Variants in SPACA9 observed in about 807,000 individuals in gnomAD.
SPACA9 encodes sperm acrosome associated 9.
A neutral mutation model predicts 12.5 loss-of-function variants in SPACA9; 14 were observed. That is an observed-to-expected ratio of 1.12 (90% CI 0.74 to 1.75). The LOEUF (loss-of-function observed/expected upper bound fraction) is 1.75, where lower values mean the gene tolerates loss of function less well. Among genes scored for constraint, SPACA9 ranks in the 40% most tolerant of loss-of-function variants. The pLI, the probability that SPACA9 is intolerant of heterozygous loss-of-function variation, is 0.00. For synonymous variants in SPACA9, 111 were observed against 114.1 expected, an observed-to-expected ratio of 0.97 and a Z score of 0.17; for missense variants, 292 against 291.9, an observed-to-expected ratio of 1.00 and a Z score of 0.00.
Position 132,889,825 on chromosome 9 carries a change from A to T in SPACA9, c.*1214A>T, listed in dbSNP as rs1028710280. ...GACCATGACAGAAGCCAGAATTCTG[A>T]TTTTGTGGCTCCTGAGCAAGGGCGA... On this transcript the variant is annotated 3_prime_UTR_variant, in exon 4 of 4. Transcript: ENST00000356311. 1 of 1,333,912 alleles carries T rather than the reference A, an allele frequency of 7.5e-7. No homozygotes were observed. The allele number at this position is 1,333,912 out of a possible 1,614,324, so 82.6% of individuals were successfully genotyped here.
intron 1 of SPACA9, among the ~76,000 whole-genome samples, chr9:132,880,184 A>G (rs113666015): frequency 6.6e-6 from 1 of 152,074 alleles, no homozygotes; most frequent in African/African-American, 2.4e-5. Context: ...CGCTTTTCCT[A>G]CCATGATTCA....
At chr9:132,883,548 G>A (rs995959596) in intron 1 of SPACA9, among the ~76,000 whole-genome samples, 1 of 151,630 alleles carries the variant, frequency 6.6e-6, no homozygotes, top group African/African-American at 2.4e-5. Context: ...GTACCTGTAT[G>A]TGTGTGCACA....
intron 1 of SPACA9, among the ~76,000 whole-genome samples, chr9:132,879,868 T>C (rs1346838178): frequency 6.6e-6 from 1 of 152,238 alleles, no homozygotes; most frequent in African/African-American, 2.4e-5. Context: ...AGCCAGGGCA[T>C]GAACTCTGCA....
At position 132,888,390 on chromosome 9, in the gene SPACA9, G is replaced by C; in HGVS notation, c.448G>C (p.Glu150Gln). Residue 150 changes from glutamate to glutamine, a missense_variant, in exon 4 of 4, where the codon GAA (glutamate) becomes CAA (glutamine). Glu to Gln is a conservative substitution (Grantham distance 29). Coordinates refer to ENST00000356311, the MANE Select transcript of SPACA9 (RefSeq NM_001316897.2). This position sits in a 1 kb window ranked among gnomAD's most constrained non-coding sequence, Gnocchi z 5.0. Reference sequence around the variant, plus strand: ...CCCCCTCATCCTAGACTTAATGAAAGAATGGATCGCCCACTCCGAGAAGTT... The same window carrying C: ...CCCCCTCATCCTAGACTTAATGAAACAATGGATCGCCCACTCCGAGAAGTT... ...LIPLILDLMK[E>Q]WIAHSEKLPR... The C allele has an allele frequency of 6.2e-7, 1 of 1,614,086 alleles. No individual in the cohort carries two copies. The highest frequency in any genetic ancestry group is 1.7e-5 in the Admixed American group (1 of 60,032).
At position 132,889,941 on chromosome 9, in the gene SPACA9, G is replaced by A. The variant is rs777319786; in HGVS notation, c.*1330G>A. The A allele has an allele frequency of 3.4e-6, 5 of 1,486,470 alleles. No individual in the cohort carries two copies. Among genetic ancestry groups the A allele is most frequent in the African/African-American group, 1.4e-5 (1 of 70,408 alleles). The allele number at this position is 1,486,470 out of a possible 1,614,324, so 92.1% of individuals were successfully genotyped here. On this transcript the variant is annotated 3_prime_UTR_variant, in exon 4 of 4. Transcript: ENST00000356311. Reference sequence around the variant, plus strand: ...TGCCCAAAGTAATGTCTGACTGTTGGTTTTTCCCTTCACAGGGGACGACTT... The same window carrying A: ...TGCCCAAAGTAATGTCTGACTGTTGATTTTTCCCTTCACAGGGGACGACTT...
intron 1 of SPACA9, among the ~76,000 whole-genome samples, chr9:132,881,130 C>G (rs1844413317): frequency 6.6e-6 from 1 of 151,738 alleles, no homozygotes; most frequent in South Asian, 2.1e-4. Flanking sequence ...AGCCAGCAAT[C>G]TTTTCTTTAC....
Position 132,887,509 on chromosome 9 carries a change from C to G in SPACA9, c.285C>G (p.Asn95Lys). Residue 95 changes from asparagine to lysine, a missense_variant, in exon 3 of 4, where the codon AAC becomes AAG. Physicochemically the swap from Asn to Lys is moderately conservative, Grantham distance 94. Transcript: ENST00000356311. This position sits in a 1 kb window ranked among gnomAD's most constrained non-coding sequence, Gnocchi z 5.4. ...AVHSGTPVTN[N>K]LLEKCKTLVS... ...ACTCTGGCACCCCAGTCACCAACAA[C>G]CTCCTGGAGAAATGCAAAACCCTCG... The G allele has an allele frequency of 6.2e-7, 1 of 1,614,142 alleles. No homozygotes were observed. The highest frequency in any genetic ancestry group is 1.1e-5 in the South Asian group (1 of 91,080).
At position 132,887,423 on chromosome 9, in the gene SPACA9, C is replaced by T; in HGVS notation, c.199C>T (p.Leu67Phe). The T allele has an allele frequency of 1.2e-6, 2 of 1,611,636 alleles. No individual in the cohort carries two copies. The highest frequency in any genetic ancestry group is 1.7e-6 in the Non-Finnish European group (2 of 1,179,996). The change falls in exon 3 of 4, where the codon CTC (leucine) becomes TTC (phenylalanine). Residue 67 changes from leucine (L) to phenylalanine (F), a missense_variant. Transcript: ENST00000356311. The surrounding 1 kb of genome is among the most constrained non-coding windows in gnomAD (Gnocchi z 5.4). ...CAGCTCCACAGACCGGCGGGTTCTGCTCATGTTCCTGGACATCTGTTCAGA... is the reference window on the plus strand; with the variant it reads ...CAGCTCCACAGACCGGCGGGTTCTGTTCATGTTCCTGGACATCTGTTCAGA... ...CNSSTDRRVLLMFLDICSELN... is the reference protein window; with the variant it reads ...CNSSTDRRVLFMFLDICSELN...
rs1048511342 is a variant in SPACA9 at position 132,889,443 on chromosome 9, G to T, written c.*832G>T. On this transcript the variant is annotated 3_prime_UTR_variant, in exon 4 of 4. Transcript: ENST00000356311. ...ATTTTTTGAGATGGAGTTTCACTCT[G>T]TCTCCCAGGCTGGAGTGCAGTGGCA... 86 of 975,788 alleles carry T rather than the reference G, an allele frequency of 8.8e-5. No individual in the cohort carries two copies. The highest frequency in any genetic ancestry group is 1.0e-4 in the Non-Finnish European group (83 of 821,228). 60.4% of individuals were successfully genotyped at this position (975,788 alleles called of 1,614,324 possible).
chr9:132,883,869 T>C (rs1313526533), intron 1 of SPACA9, 42 bp from the exon 2 acceptor site: 19 of 1,488,618 alleles, frequency 1.3e-5, no homozygotes, highest in Admixed American at 8.5e-5. Flanking sequence ...GATCCGAGCA[T>C]TGGGTCCCAG....
At chr9:132,878,755 C>T, upstream of SPACA9, 2 of 986,084 alleles carry the variant, frequency 2.0e-6, no homozygotes, top group South Asian at 4.7e-5. The surrounding 1 kb of genome is among the most constrained non-coding windows in gnomAD (Gnocchi z 4.7). Flanking sequence ...AATCCTCAGC[C>T]CAACTCCTAG....
At chr9:132,886,264 G>A (rs942491681) in intron 2 of SPACA9, among the ~76,000 whole-genome samples, 25 of 152,186 alleles carry the variant, frequency 1.6e-4, no homozygotes, top group African/African-American at 5.8e-4. Context: ...TCCCTAGCTC[G>A]AGATCAGACC....
chr9:132,889,343 G>C lies in SPACA9; in HGVS notation c.*732G>C. 1 of 985,556 alleles carries C rather than the reference G, an allele frequency of 1.0e-6. No homozygotes were observed. Among genetic ancestry groups the C allele is most frequent in the Non-Finnish European group, 1.2e-6 (1 of 830,030 alleles). The allele number at this position is 985,556 out of a possible 1,614,324, so 61.1% of individuals were successfully genotyped here. The stretch of plus-strand genomic sequence containing the variant: ...CCCAACTGTAGGCAAGGCACACGCT[G>C]TTTGCGAGCCAGGGATGCTCCCCTC... On this transcript the variant is annotated 3_prime_UTR_variant, in exon 4 of 4. Transcript: ENST00000356311.
chr9:132,889,108 C>G lies in SPACA9; in HGVS notation c.*497C>G. Reference sequence around the variant, plus strand: ...TTCTAACATTTCCACTTCTAAGCATCAGGCTCCGTGCTGATGAAGAGGAAA... The same window carrying G: ...TTCTAACATTTCCACTTCTAAGCATGAGGCTCCGTGCTGATGAAGAGGAAA... On this transcript the variant is annotated 3_prime_UTR_variant, in exon 4 of 4. Transcript: ENST00000356311. 2 of 993,506 alleles carry G rather than the reference C, an allele frequency of 2.0e-6. No homozygotes were observed. The highest frequency in any genetic ancestry group is 4.5e-5 in the South Asian group (1 of 22,128). The allele number at this position is 993,506 out of a possible 1,614,324, so 61.5% of individuals were successfully genotyped here.
At chr9:132,883,697 T>C (rs1418080352) in intron 1 of SPACA9, among the ~76,000 whole-genome samples, 1 of 99,654 alleles carries the variant, frequency 1.0e-5, no homozygotes, top group Admixed American at 8.7e-5. Flanking sequence ...AGGGTAAATT[T>C]CGAGGTCAGG....
Position 132,888,448 on chromosome 9 carries a change from C to T in SPACA9, c.506C>T (p.Pro169Leu), listed in dbSNP as rs1588270530. The change falls in exon 4 of 4, where the codon CCC becomes CTC. Residue 169 changes from proline (P) to leucine (L), a missense_variant. Coordinates refer to ENST00000356311, the MANE Select transcript of SPACA9 (RefSeq NM_001316897.2). This position sits in a 1 kb window ranked among gnomAD's most constrained non-coding sequence, Gnocchi z 5.0. ...PRKVLQHVSE[P>L]QAHQESTRGA... ...AAGGTGCTGCAGCACGTGAGTGAGCCCCAGGCGCACCAGGAGAGCACCAGG... is the reference window on the plus strand; with the variant it reads ...AAGGTGCTGCAGCACGTGAGTGAGCTCCAGGCGCACCAGGAGAGCACCAGG... 6.2e-7 allele frequency: 1 copy of T among 1,613,290 alleles called. No homozygotes were observed. Among genetic ancestry groups the T allele is most frequent in the Non-Finnish European group, 8.5e-7 (1 of 1,179,764 alleles).
At chr9:132,881,757 G>T (rs1022271805) in intron 1 of SPACA9, among the ~76,000 whole-genome samples, 3 of 151,544 alleles carry the variant, frequency 2.0e-5, no homozygotes, top group African/African-American at 7.3e-5. Flanking sequence ...GACCTCCTGG[G>T]TTCAAGCGAT....
chr9:132,886,834 T>C (rs375393415), intron 2 of SPACA9, among the ~76,000 whole-genome samples: 1 of 152,084 alleles, frequency 6.6e-6, no homozygotes, highest in African/African-American at 2.4e-5. Flanking sequence ...GTTTTTGAGA[T>C]GGCATCTTGC....
chr9:132,890,251 TA>T (rs112978122), downstream of SPACA9: 680 of 277,544 alleles, frequency 2.5e-3, 6 homozygotes, highest in African/African-American at 0.012. Flanking sequence ...GAAGTCTAGT[TA>T]AGAGACCTAG....
Sources: gnomAD v4.1 joint callset for allele counts (sites outside exome capture counted in the v4.1 genomes callset) on GRCh38, gnomAD v4.1.1 for gene constraint, Gnocchi (gnomAD v3.1) non-coding constraint, MANE v1.5 for transcripts, NCBI Gene and HGNC (gene_info 2026-07-23, HGNC 2026-07-21) for gene names.